The following NAALADL2 variants were observed in gnomAD, a reference collection of about 807,000 sequenced individuals.
The protein encoded by NAALADL2 is inactive N-acetylated-alpha-linked acidic dipeptidase-like protein 2.
Under a neutral mutation model 87.2 loss-of-function variants are expected in NAALADL2, and 76 were observed. The ratio of observed to expected loss-of-function variants is 0.87; its 90% CI spans 0.72 to 1.05. NAALADL2 has a LOEUF of 1.05. NAALADL2 is among the 50% of genes least tolerant of loss of function. The pLI is 0.00. For synonymous variants in NAALADL2, 354 were observed against 331.0 expected (o/e 1.07, Z -0.75); for missense variants, 1,089 against 945.8 (o/e 1.15, Z -1.99).
chr3:175,718,289 T>A (rs1741680455), intron 11 of NAALADL2: 1 of 1,562,436 alleles, frequency 6.4e-7, no homozygotes, highest in Non-Finnish European at 8.7e-7. Context: ...TAGACATCGT[T>A]AGGCGCCGAA....
chr3:174,540,039 A>T (rs2108462917), intron 1 of NAALADL2, among the ~76,000 whole-genome samples: 1 of 149,176 alleles, frequency 6.7e-6, no homozygotes, highest in East Asian at 2.0e-4. Flanking sequence ...ATGGGCATTT[A>T]TCTATCTTGC....
In NAALADL2 at chr3:175,447,388, T is replaced by C. The variant is rs371307821; in HGVS notation, c.1234+16T>C. On this transcript the variant is annotated intron_variant, in intron 6 of 13. Coordinates refer to ENST00000454872, the MANE Select transcript of NAALADL2 (RefSeq NM_207015.3). ...CCAAATAATGGTAAAGTATTTAATG[T>C]CGTTCTCTGTATTTTACAGTTTTTT... 9.2e-6 allele frequency: 14 copies of C among 1,521,758 alleles called. No individual in the cohort carries two copies. In the African/African-American group the frequency reaches 1.8e-4, roughly 20 times the overall value. 94.3% of individuals were successfully genotyped at this position (1,521,758 alleles called of 1,614,324 possible).
intron 1 of NAALADL2, among the ~76,000 whole-genome samples, chr3:174,861,423 C>A (rs954511583): frequency 6.6e-6 from 1 of 151,972 alleles, no homozygotes; most frequent in Non-Finnish European, 1.5e-5. Context: ...TCAAAATGAC[C>A]AAAGTGAATG....
intron 9 of NAALADL2, among the ~76,000 whole-genome samples, chr3:175,490,674 C>T (rs931948484): frequency 2.0e-5 from 3 of 151,678 alleles, no homozygotes; most frequent in Non-Finnish European, 2.9e-5. Context: ...GGATTACAGG[C>T]GTGAGCCACC....
At chr3:174,629,641 A>G (rs1032623166) in intron 2 of NAALADL2, among the ~76,000 whole-genome samples, 5 of 152,236 alleles carry the variant, frequency 3.3e-5, no homozygotes, top group Non-Finnish European at 4.4e-5. Context: ...TATGCTTTCA[A>G]ATCCTAAATC....
intron 13 of NAALADL2, among the ~76,000 whole-genome samples, chr3:175,757,704 A>G (rs1015933135): frequency 6.6e-6 from 1 of 152,078 alleles, no homozygotes; most frequent in South Asian, 2.1e-4. Context: ...CATAGCTGTC[A>G]CCTTAAGTTA....
chr3:175,786,938 C>A (rs560753224), intron 13 of NAALADL2, among the ~76,000 whole-genome samples: 9 of 152,176 alleles, frequency 5.9e-5, no homozygotes, highest in African/African-American at 2.2e-4. Flanking sequence ...ACAGACAGGA[C>A]CCTCAGCTGC....
At chr3:174,613,197 T>C (rs1720105842) in intron 2 of NAALADL2, among the ~76,000 whole-genome samples, 1 of 152,168 alleles carries the variant, frequency 6.6e-6, no homozygotes, top group Non-Finnish European at 1.5e-5. Context: ...GGACAAAAGC[T>C]CCCATGTGGC....
At chr3:174,631,579 G>C (rs142228665) in intron 2 of NAALADL2, among the ~76,000 whole-genome samples, 3 of 152,236 alleles carry the variant, frequency 2.0e-5, no homozygotes, top group African/African-American at 7.2e-5. Flanking sequence ...AATGGAAAAT[G>C]GAATTGCTTG....
intron 3 of NAALADL2, among the ~76,000 whole-genome samples, chr3:174,763,094 G>A (rs951050401): frequency 6.6e-6 from 1 of 151,682 alleles, no homozygotes; most frequent in Non-Finnish European, 1.5e-5. Context: ...TTACCACATT[G>A]GATCCTATTA....
intron 2 of NAALADL2, among the ~76,000 whole-genome samples, chr3:175,149,614 A>C (rs1354148302): frequency 6.6e-6 from 1 of 152,148 alleles, no homozygotes; most frequent in Non-Finnish European, 1.5e-5. Flanking sequence ...CATATATTTG[A>C]GGATAATTCA....
In NAALADL2 at chr3:174,979,589, A is replaced by G. The variant is rs192160937; in HGVS notation, c.44-117201A>G. On this transcript the variant is annotated intron_variant, in intron 1 of 13. Coordinates refer to ENST00000454872, the MANE Select transcript of NAALADL2 (RefSeq NM_207015.3). ...CAAAGTGCTGGGATTACAGGCGTGAACCACCACACCCAGCCCATTTTGTTT... is the reference window on the plus strand; with the variant it reads ...CAAAGTGCTGGGATTACAGGCGTGAGCCACCACACCCAGCCCATTTTGTTT... 4.5e-4 allele frequency among the ~76,000 whole-genome samples: 68 copies of G among 151,722 alleles called. No individual in the cohort carries two copies. The East Asian group carries it at 8.7e-3, about 19-fold the overall frequency.
chr3:175,607,843 T>G (rs13090725), intron 10 of NAALADL2, among the ~76,000 whole-genome samples: 95,789 of 151,500 alleles, frequency 0.63, 32,429 homozygotes, highest in East Asian at 0.85. Flanking sequence ...GTGATTCTAA[T>G]GAGCAGCTAG....
At chr3:175,502,523 C>T (rs1351331514) in intron 9 of NAALADL2, among the ~76,000 whole-genome samples, 1 of 152,092 alleles carries the variant, frequency 6.6e-6, no homozygotes, top group Non-Finnish European at 1.5e-5. Context: ...AGCCTGATAG[C>T]TTTAAGACTG....
At chr3:174,814,661 A>C (rs1720595861) in intron 3 of NAALADL2, among the ~76,000 whole-genome samples, 1 of 152,200 alleles carries the variant, frequency 6.6e-6, no homozygotes, top group African/African-American at 2.4e-5. Context: ...AATAATATCA[A>C]ATTTAAGTAC....
At chr3:175,260,250 C>G (rs1316855773) in intron 4 of NAALADL2, among the ~76,000 whole-genome samples, 1 of 152,014 alleles carries the variant, frequency 6.6e-6, no homozygotes, top group Non-Finnish European at 1.5e-5. Flanking sequence ...CCTTCTAGGC[C>G]TATTAAATAA....
intron 5 of NAALADL2, among the ~76,000 whole-genome samples, chr3:175,437,300 C>A (rs1355075328): frequency 2.8e-5 from 4 of 145,426 alleles, no homozygotes; most frequent in Non-Finnish European, 6.0e-5. Flanking sequence ...TTCTTATACA[C>A]CAACAACAGA....
intron 3 of NAALADL2, among the ~76,000 whole-genome samples, chr3:174,816,514 T>TTTATA (rs200266720): frequency 7.8e-6 from 1 of 128,754 alleles, no homozygotes; most frequent in African/African-American, 3.1e-5. Context: ...TATACATTTA[T>TTTATA]TTATATTATA....
intron 11 of NAALADL2, among the ~76,000 whole-genome samples, chr3:175,665,847 C>T (rs944811063): frequency 2.6e-5 from 4 of 152,062 alleles, no homozygotes; most frequent in Non-Finnish European, 4.4e-5. Flanking sequence ...AGGAGAATCG[C>T]TTAAACCCAG....
Sources: gnomAD v4.1 joint callset for allele counts (sites outside exome capture counted in the v4.1 genomes callset) on GRCh38, gnomAD v4.1.1 for gene constraint, MANE v1.5 for transcripts, NCBI Gene and HGNC (gene_info 2026-07-23, HGNC 2026-07-21) for gene names.